Variants in EYS observed in about 807,000 individuals in gnomAD.
EYS encodes EGF-like photoreceptor maintenance factor.
Under a neutral mutation model 282.1 loss-of-function variants are expected in EYS, and 250 were observed. The observed-to-expected ratio is 0.89, with a 90% CI of 0.80 to 0.98. The LOEUF is 0.98. Ranked by LOEUF, EYS falls within the 50% of genes least tolerant of loss-of-function variation. EYS has a pLI of 0.00. For missense variants in EYS, 4,016 were observed against 3,709.0 expected (o/e 1.08, Z -2.15); for synonymous variants, 1,355 against 1,282.9 (o/e 1.06, Z -1.20).
intron 28 of EYS, among the ~76,000 whole-genome samples, chr6:64,406,135 C>A (rs1036052792): frequency 3.9e-5 from 6 of 152,130 alleles, no homozygotes; most frequent in Non-Finnish European, 8.8e-5. Flanking sequence ...TGGAACATAA[C>A]AGAGGCCTCA....
intron 12 of EYS, among the ~76,000 whole-genome samples, chr6:65,080,630 T>G (rs1007575869): frequency 2.0e-5 from 3 of 152,042 alleles, no homozygotes; most frequent in Non-Finnish European, 4.4e-5. Context: ...CAATTTTGAA[T>G]TGATTTGTTT....
chr6:65,468,278 C>A (rs1765080840), intron 5 of EYS, among the ~76,000 whole-genome samples: 1 of 152,090 alleles, frequency 6.6e-6, no homozygotes, highest in African/African-American at 2.4e-5. Context: ...TTGCTGTTTT[C>A]TTTTTTCAAA....
Position 63,984,921 on chromosome 6 carries a change from C to T in EYS, c.6835-318G>A, listed in dbSNP as rs534778579. 3.3e-5 allele frequency among the ~76,000 whole-genome samples: 5 copies of T among 151,742 alleles called. No homozygotes were observed. In the South Asian group the frequency reaches 1.0e-3, roughly 32 times the overall value. On this transcript the variant is annotated intron_variant, in intron 34 of 42. Coordinates refer to ENST00000503581, the MANE Select transcript of EYS (RefSeq NM_001142800.2). ...TGATGTGTTTGCATTTTAGTGTAAA[C>T]ATTACCAAATAATAACTAAAAAAGA...
chr6:65,280,543 T>C (rs1409252596), intron 12 of EYS, among the ~76,000 whole-genome samples: 1 of 152,142 alleles, frequency 6.6e-6, no homozygotes, highest in East Asian at 1.9e-4. Context: ...ATTTATATCA[T>C]AAATATCTGT....
intron 26 of EYS, among the ~76,000 whole-genome samples, chr6:64,545,407 C>T (rs1764823947): frequency 6.6e-6 from 1 of 152,132 alleles, no homozygotes; most frequent in Non-Finnish European, 1.5e-5. Flanking sequence ...AACCCACAGC[C>T]AATATCATAC....
chr6:65,425,906 C>T (rs1767641995), intron 5 of EYS, among the ~76,000 whole-genome samples: 1 of 152,040 alleles, frequency 6.6e-6, no homozygotes, highest in Non-Finnish European at 1.5e-5. Flanking sequence ...TATTTATCCA[C>T]CAAACTCAAG....
intron 33 of EYS, among the ~76,000 whole-genome samples, chr6:64,038,256 T>C (rs1770217702): frequency 6.6e-6 from 1 of 152,134 alleles, no homozygotes; most frequent in Non-Finnish European, 1.5e-5. Context: ...TTTCACAGCA[T>C]GGTGACTACA....
Position 65,296,095 on chromosome 6 carries a change from A to T in EYS, c.1791T>A (p.Ile597=). 1 of 1,549,672 alleles carries T rather than the reference A, an allele frequency of 6.5e-7. No individual in the cohort carries two copies. Among genetic ancestry groups the T allele is most frequent in the East Asian group, 2.4e-5 (1 of 40,836 alleles). Residue 597 remains isoleucine (I), a synonymous_variant, in exon 12 of 43, where the codon ATT becomes ATA. Coordinates refer to ENST00000503581, the MANE Select transcript of EYS (RefSeq NM_001142800.2). The stretch of plus-strand genomic sequence containing the variant: ...CAACATTGACAACACACAATCTGCC[A>T]ATGTAACTAAGAGAACAGCTGCATC... ...RPRCSCSLSY[I]GRLCVVNVDY...
At chr6:64,143,855 C>T (rs1284924726) in intron 31 of EYS, among the ~76,000 whole-genome samples, 1 of 152,184 alleles carries the variant, frequency 6.6e-6, no homozygotes, top group Admixed American at 6.5e-5. Flanking sequence ...CTTTGGAGAA[C>T]ATAAAGGATA....
At chr6:65,286,970 C>T (rs575945802) in intron 12 of EYS, among the ~76,000 whole-genome samples, 31 of 151,216 alleles carry the variant, frequency 2.1e-4, no homozygotes, top group African/African-American at 6.8e-4. Context: ...TACGTAAAGC[C>T]GGGAGCAGCT....
intron 41 of EYS, among the ~76,000 whole-genome samples, chr6:63,732,750 G>A (rs1768812774): frequency 6.6e-6 from 1 of 152,158 alleles, no homozygotes; most frequent in Admixed American, 6.6e-5. Flanking sequence ...AAAGGTTTGT[G>A]CCAACACGTT....
chr6:63,933,672 A>G (rs986481048), intron 35 of EYS, among the ~76,000 whole-genome samples: 2 of 152,110 alleles, frequency 1.3e-5, no homozygotes, highest in Non-Finnish European at 2.9e-5. Flanking sequence ...ACCAGCCTCC[A>G]TCGTGAAGCT....
At chr6:64,817,631 G>A (rs1293166524) in intron 21 of EYS, among the ~76,000 whole-genome samples, 1 of 152,028 alleles carries the variant, frequency 6.6e-6, no homozygotes, top group East Asian at 1.9e-4. Context: ...AGTCCACAGT[G>A]CCTATTAGTC....
intron 19 of EYS, among the ~76,000 whole-genome samples, chr6:64,860,800 G>A (rs556806852): frequency 4.4e-4 from 67 of 152,326 alleles, no homozygotes; most frequent in African/African-American, 1.2e-3. Context: ...AGTGGAGGAT[G>A]AGCAAGGTGA....
intron 26 of EYS, among the ~76,000 whole-genome samples, chr6:64,506,908 T>TAA (rs530521158): frequency 3.1e-5 from 3 of 97,824 alleles, no homozygotes; most frequent in African/African-American, 4.8e-5. Flanking sequence ...GGCTGTGTCT[T>TAA]AAAAAAAAAA....
intron 13 of EYS, among the ~76,000 whole-genome samples, chr6:65,046,659 A>T (rs1329110548): frequency 6.6e-6 from 1 of 151,844 alleles, no homozygotes; most frequent in Non-Finnish European, 1.5e-5. Context: ...CCTAAAGAAA[A>T]ATGTGGTTAG....
At chr6:65,439,229 C>G (rs1201828171) in intron 5 of EYS, among the ~76,000 whole-genome samples, 3 of 152,164 alleles carry the variant, frequency 2.0e-5, no homozygotes, top group Non-Finnish European at 2.9e-5. Flanking sequence ...GTTTTGGTAA[C>G]AGTACCAAGC....
At chr6:65,292,784 G>T (rs1768562440) in intron 12 of EYS, among the ~76,000 whole-genome samples, 1 of 151,664 alleles carries the variant, frequency 6.6e-6, no homozygotes, top group Admixed American at 6.6e-5. Flanking sequence ...GGAAAGGAAA[G>T]GGGCCTATGG....
chr6:65,618,603 G>C (rs1766322285), intron 2 of EYS, among the ~76,000 whole-genome samples: 1 of 152,136 alleles, frequency 6.6e-6, no homozygotes, highest in African/African-American at 2.4e-5. Flanking sequence ...ATTGCTTTTG[G>C]TGTTTTACAT....
Sources: allele counts gnomAD v4.1 joint callset (sites outside exome capture counted in the v4.1 genomes callset), GRCh38; gene constraint gnomAD v4.1.1; transcripts MANE v1.5; gene names NCBI Gene and HGNC (gene_info 2026-07-23, HGNC 2026-07-21).